Variants in MTFR2 observed in about 807,000 individuals in gnomAD.
The protein encoded by MTFR2 is DUF729 domain-containing protein 1.
In MTFR2, 44 loss-of-function variants were observed where a neutral mutation model predicts 41.2. The observed-to-expected ratio is 1.07, with a 90% CI of 0.84 to 1.37. The LOEUF is 1.37. MTFR2 is among the 40% of genes most tolerant of loss of function. The pLI is 0.00. For missense variants in MTFR2, 452 were observed against 459.5 expected, an observed-to-expected ratio of 0.98 and a Z score of 0.15; for synonymous variants, 141 against 154.6, an observed-to-expected ratio of 0.91 and a Z score of 0.65.
At chr6:136,235,899 T>G (rs999927545) in intron 6 of MTFR2, among the ~76,000 whole-genome samples, 1 of 151,856 alleles carries the variant, frequency 6.6e-6, no homozygotes, top group Non-Finnish European at 1.5e-5. Context: ...GCCACTGCAC[T>G]CCAGCCTGGC....
chr6:136,241,801 G>A (rs532735787), intron 4 of MTFR2, 125 bp from the exon 5 acceptor site: 45 of 747,054 alleles, frequency 6.0e-5, no homozygotes, highest in Middle Eastern at 3.9e-4. Flanking sequence ...CTCTCAGGCC[G>A]GGCACAGTGG....
At chr6:136,239,875 T>TA (rs1351397677) in intron 5 of MTFR2, 55 bp from the exon 6 acceptor site, 1 of 1,412,460 alleles carries the variant, frequency 7.1e-7, no homozygotes, top group East Asian at 2.5e-5. Flanking sequence ...TAACGTAATA[T>TA]ATATTAATAA....
rs151177675 is a variant in MTFR2, at chr6:136,241,501, G to A, written c.457C>T (p.Arg153Cys). The A allele has an allele frequency of 4.2e-5, 67 of 1,614,052 alleles. No homozygotes were observed. Among genetic ancestry groups the A allele is most frequent in the South Asian group, 8.8e-5 (8 of 91,062 alleles). ...TCCACAATTGCTGCAATCTGAGAGC[G>A]AAGAAAAGTCAGCTCATTTTCAAGG... ...AALENELTFL[R>C]SQIAAIVEMQ... Residue 153 changes from arginine (R) to cysteine (C), a missense_variant, in exon 5 of 8, where the codon CGC becomes TGC. Transcript: ENST00000420702.
At chr6:136,238,678 C>CCACA (rs60002962) in intron 6 of MTFR2, among the ~76,000 whole-genome samples, 1,977 of 146,420 alleles carry the variant, frequency 0.014, 20 homozygotes, top group African/African-American at 0.031. Context: ...TGTTTTTTCA[C>CCACA]CACACACACA....
At chr6:136,243,063 A>T (rs1357352121) in intron 3 of MTFR2, 90 bp from the exon 4 acceptor site, 17 of 709,096 alleles carry the variant, frequency 2.4e-5, no homozygotes, top group Non-Finnish European at 4.3e-6. Flanking sequence ...TTAACAATCC[A>T]AAAGAAAGAA....
At chr6:136,246,131 A>C (rs1402674715) in intron 2 of MTFR2, among the ~76,000 whole-genome samples, 13 of 152,204 alleles carry the variant, frequency 8.5e-5, no homozygotes, top group Admixed American at 8.5e-4. Flanking sequence ...TGACATATAC[A>C]GTCACCCAAG....
At chr6:136,238,791 G>C (rs147766582) in intron 6 of MTFR2, among the ~76,000 whole-genome samples, 1 of 151,752 alleles carries the variant, frequency 6.6e-6, no homozygotes, top group Non-Finnish European at 1.5e-5. Flanking sequence ...ATGGGGCCAG[G>C]CACAGTGGCT....
At position 136,241,331 on chromosome 6, in the gene MTFR2, T is replaced by A; in HGVS notation, c.514+113A>T. The A allele has an allele frequency of 1.2e-5, 9 of 755,826 alleles. No individual in the cohort carries two copies. The South Asian group carries it at 1.7e-4, about 14-fold the overall frequency. 46.8% of individuals were successfully genotyped at this position (755,826 alleles called of 1,614,324 possible). A position where few individuals can be genotyped will look rare whatever the true frequency, so the allele number is the denominator to read the frequency against. ...ATTGTACTCACTTAAATACTAGATG[T>A]TCCTGTATGCTACTATACGTACTAT... On this transcript the variant is annotated intron_variant, in intron 5 of 7. Transcript: ENST00000420702.
chr6:136,248,484 C>T (rs936835873), intron 2 of MTFR2, among the ~76,000 whole-genome samples: 7 of 152,216 alleles, frequency 4.6e-5, no homozygotes, highest in East Asian at 1.9e-4. Flanking sequence ...AGCTCTCTTG[C>T]CTGCCACCAT....
chr6:136,240,662 T>A (rs1780030842), intron 5 of MTFR2, among the ~76,000 whole-genome samples: 1 of 152,202 alleles, frequency 6.6e-6, no homozygotes, highest in Non-Finnish European at 1.5e-5. Flanking sequence ...CTGGAAAACA[T>A]GACTCACCTC....
At chr6:136,231,998 G>A (rs1779771911) in intron 7 of MTFR2, among the ~76,000 whole-genome samples, 1 of 152,122 alleles carries the variant, frequency 6.6e-6, no homozygotes, top group East Asian at 1.9e-4. Flanking sequence ...CTAGTGAGAT[G>A]AGTAAAAAAG....
Position 136,249,166 on chromosome 6 carries a change from T to C in MTFR2, c.-54-13A>G, listed in dbSNP as rs1780296128. 3 of 1,357,118 alleles carry C rather than the reference T, an allele frequency of 2.2e-6. No individual in the cohort carries two copies. The highest frequency in any genetic ancestry group is 3.0e-6 in the Non-Finnish European group (3 of 998,026). The allele number at this position is 1,357,118 out of a possible 1,614,324, so 84.1% of individuals were successfully genotyped here. A position where few individuals can be genotyped will look rare whatever the true frequency, so the allele number is the denominator to read the frequency against. ...AGTTTCTTGGTGCCTTTGGGGAAAATTTTAGAAAATGTTACTCTTGACAAA... is the reference window on the plus strand; with the variant it reads ...AGTTTCTTGGTGCCTTTGGGGAAAACTTTAGAAAATGTTACTCTTGACAAA... On this transcript the variant is annotated splice_polypyrimidine_tract_variant and intron_variant, in intron 1 of 7. Transcript: ENST00000420702.
At position 136,249,066 on chromosome 6, in the gene MTFR2, G is replaced by T. The variant is rs1345729048; in HGVS notation, c.34C>A (p.Leu12Met). The T allele has an allele frequency of 1.3e-6, 2 of 1,598,972 alleles. No homozygotes were observed. Among genetic ancestry groups the T allele is most frequent in the Non-Finnish European group, 1.7e-6 (2 of 1,176,056 alleles). ...SLILNILREM[L>M]EYFGVPVEQV... ...TCTACAGGAACGCCAAAATATTCCAGCATCTCTCTTAAGATATTCAGTATG... is the reference window on the plus strand; with the variant it reads ...TCTACAGGAACGCCAAAATATTCCATCATCTCTCTTAAGATATTCAGTATG... The change falls in exon 2 of 8, where the codon CTG becomes ATG. Residue 12 changes from leucine (L) to methionine (M), a missense_variant. Physicochemically the swap from Leu to Met is conservative, Grantham distance 15. Transcript: ENST00000420702.
At chr6:136,242,093 A>G (rs867954487) in intron 4 of MTFR2, among the ~76,000 whole-genome samples, 1 of 149,946 alleles carries the variant, frequency 6.7e-6, no homozygotes, top group African/African-American at 2.4e-5. Context: ...AAAAAAAAAA[A>G]AAAAAAAAAA....
At chr6:136,245,440 C>T (rs1207783309) in intron 2 of MTFR2, among the ~76,000 whole-genome samples, 1 of 152,160 alleles carries the variant, frequency 6.6e-6, no homozygotes, top group Non-Finnish European at 1.5e-5. Flanking sequence ...GCTACTATAG[C>T]TCAAATAATA....
chr6:136,244,045 A>G (rs1780153200), intron 3 of MTFR2, among the ~76,000 whole-genome samples: 1 of 152,220 alleles, frequency 6.6e-6, no homozygotes, highest in South Asian at 2.1e-4. Context: ...GTGTTTTAAG[A>G]TAAGTATTAT....
intron 7 of MTFR2, among the ~76,000 whole-genome samples, chr6:136,231,845 GCATCCTCAAATTTTCAAA>G (rs112439209): frequency 0.054 from 8,139 of 151,972 alleles, 728 homozygotes; most frequent in African/African-American, 0.19. Context: ...TTACATAAAT[GCATCCTCAAATTTTCAAA>G]CATCCTCAAA....
chr6:136,236,149 A>T (rs1245491843), intron 6 of MTFR2, among the ~76,000 whole-genome samples: 1 of 152,220 alleles, frequency 6.6e-6, no homozygotes, highest in East Asian at 1.9e-4. Flanking sequence ...CAGAAAGGGG[A>T]GCAGAACAAC....
chr6:136,233,281 T>G, intron 7 of MTFR2, 44 bp downstream of exon 7: 2 of 1,552,180 alleles, frequency 1.3e-6, no homozygotes, highest in Non-Finnish European at 1.8e-6. Flanking sequence ...AAACAACACA[T>G]CTGAGAAAAA....
Sources: gnomAD v4.1 joint callset for allele counts (sites outside exome capture counted in the v4.1 genomes callset) on GRCh38, gnomAD v4.1.1 for gene constraint, MANE v1.5 for transcripts, NCBI Gene and HGNC (gene_info 2026-07-23, HGNC 2026-07-21) for gene names.